Variants in FSCN3 observed in about 807,000 individuals in gnomAD.
FSCN3 encodes the protein fascin-3.
Under a neutral mutation model 53.5 loss-of-function variants are expected in FSCN3, and 43 were observed. The ratio of observed to expected loss-of-function variants is 0.80; its 90% CI spans 0.63 to 1.04. The LOEUF is 1.04. Ranked by LOEUF, FSCN3 falls within the 50% of genes least tolerant of loss-of-function variation. FSCN3 has a pLI of 0.00. For synonymous variants in FSCN3, 235 were observed against 246.6 expected (o/e 0.95, Z 0.44); for missense variants, 594 against 646.5 (o/e 0.92, Z 0.88).
chr7:127,595,914 T>C lies in FSCN3; in HGVS notation c.752T>C (p.Met251Thr), dbSNP rs1471858865. 4 of 1,611,492 alleles carry C rather than the reference T, an allele frequency of 2.5e-6. No individual in the cohort carries two copies. The highest frequency in any genetic ancestry group is 3.4e-6 in the Non-Finnish European group (4 of 1,178,554). The stretch of plus-strand genomic sequence containing the variant: ...CTCTTGGGCATGGGCTGCAACCCCA[T>C]GAGGGGTGAGGAGTGGTTCATCCTA... ...HLLLGMGCNP[M>T]RGEEWFILQH... Residue 251 changes from methionine to threonine, a missense_variant, in exon 2 of 7, where the codon ATG becomes ACG. Coordinates refer to ENST00000265825, the MANE Select transcript of FSCN3 (RefSeq NM_020369.3).
chr7:127,600,113 C>G, intron 5 of FSCN3, 81 bp from the exon 6 acceptor site: 1 of 787,484 alleles, frequency 1.3e-6, no homozygotes, highest in Non-Finnish European at 2.3e-6. Context: ...GGTGGCATGC[C>G]TCCACAGAGT....
rs554337100 is a variant in FSCN3, at chr7:127,594,059, T to C, written c.144+62T>C. The C allele has an allele frequency of 4.3e-4, 642 of 1,491,658 alleles. 2 individuals carry two copies. Among genetic ancestry groups the C allele is most frequent in the South Asian group, 1.1e-3 (92 of 83,010 alleles). 92.4% of individuals were successfully genotyped at this position (1,491,658 alleles called of 1,614,324 possible). ...AGTGGCCAAGCTGTGTGTGTGTGTG[T>C]GCGCGCGCGCGTGTGTGTGCGTGAG... On this transcript the variant is annotated intron_variant, in intron 1 of 6. Transcript: ENST00000265825.
At position 127,598,482 on chromosome 7, in the gene FSCN3, C is replaced by T. The variant is rs758813608; in HGVS notation, c.1008C>T (p.Asp336=). The T allele has an allele frequency of 5.0e-6, 8 of 1,613,910 alleles. No homozygotes were observed. In the African/African-American group the frequency reaches 9.3e-5, roughly 19 times the overall value. ...VMADGHPLES[D]TFFRMHWNCG... is the part of the protein sequence containing the mutation. ...CTGATGGGCACCCCCTGGAGTCTGA[C>T]ACGTTCTTCCGAATGCACTGGAACT... is the stretch of plus-strand genomic sequence containing the variant. Residue 336 remains aspartate (D), a synonymous_variant, in exon 4 of 7, where the codon GAC becomes GAT. Transcript: ENST00000265825.
chr7:127,597,379 T>C (rs560796592), intron 3 of FSCN3, among the ~76,000 whole-genome samples: 1 of 152,354 alleles, frequency 6.6e-6, no homozygotes, highest in East Asian at 1.9e-4. Context: ...TCACCAATAG[T>C]AAAGCTGGCT....
rs1317828442 is a variant in FSCN3, at chr7:127,601,773, A to G, written c.*151A>G. 1.3e-5 allele frequency: 2 copies of G among 152,232 alleles called. No homozygotes were observed. The highest frequency in any genetic ancestry group is 2.9e-5 in the Non-Finnish European group (2 of 68,044). 9.4% of individuals were successfully genotyped at this position (152,232 alleles called of 1,614,324 possible). ...AGCAAAACACCTGTTTTATGCAACA[A>G]TACATCACAACAGGCCACCCCCAAG... is the stretch of plus-strand genomic sequence containing the variant. On this transcript the variant is annotated 3_prime_UTR_variant, in exon 7 of 7. Coordinates refer to ENST00000265825, the MANE Select transcript of FSCN3 (RefSeq NM_020369.3).
At position 127,596,394 on chromosome 7, in the gene FSCN3, G is replaced by T; in HGVS notation, c.908G>T (p.Ser303Ile). The T allele has an allele frequency of 6.2e-7, 1 of 1,612,136 alleles. No individual in the cohort carries two copies. The highest frequency in any genetic ancestry group is 1.1e-5 in the South Asian group (1 of 91,054). The change falls in exon 3 of 7, where the codon AGT (serine) becomes ATT (isoleucine). Residue 303 changes from serine to isoleucine, a missense_variant. Ser to Ile is a moderately radical substitution (Grantham distance 142, BLOSUM62 -2). Coordinates refer to ENST00000265825, the MANE Select transcript of FSCN3 (RefSeq NM_020369.3). ...TCCTTGTTCCAGTTTGAATGTGACA[G>T]TGAGAGCCCCACTGTGCAGCTTCGT... is the stretch of plus-strand genomic sequence containing the variant. ...RMSLFQFECD[S>I]ESPTVQLRSA...
rs553608103 is a variant in FSCN3 at position 127,600,068 on chromosome 7, C to A, written c.1292-126C>A. ...CGCTCCTGCATTTCCATAGAAGGAC[C>A]CGCCAATGCAGGCAGGATGGGGCAG... is the stretch of plus-strand genomic sequence containing the variant. On this transcript the variant is annotated intron_variant, in intron 5 of 6. Coordinates refer to ENST00000265825, the MANE Select transcript of FSCN3 (RefSeq NM_020369.3). 1.6e-4 allele frequency: 103 copies of A among 632,476 alleles called. 1 individual carries two copies. Among genetic ancestry groups the A allele is most frequent in the Non-Finnish European group, 2.2e-4 (76 of 350,654 alleles). 39.2% of individuals were successfully genotyped at this position (632,476 alleles called of 1,614,324 possible).
At chr7:127,600,448 C>A in intron 6 of FSCN3, 49 bp downstream of exon 6, 1 of 1,161,686 alleles carries the variant, frequency 8.6e-7, no homozygotes, top group Non-Finnish European at 1.3e-6. Flanking sequence ...AGCCATGGGG[C>A]AAGAGGAGAA....
intron 3 of FSCN3, 103 bp from the exon 4 acceptor site, chr7:127,598,332 G>A (rs1794421229): frequency 4.6e-6 from 5 of 1,091,588 alleles, no homozygotes; most frequent in Non-Finnish European, 6.9e-6. Flanking sequence ...GAAAAAGGCT[G>A]ATGAGTGGGA....
rs1487977337 is a variant in FSCN3 at position 127,595,930 on chromosome 7, G to A, written c.768G>A (p.Trp256Ter). The change falls in exon 2 of 7, where the codon TGG becomes TGA. Residue 256 changes from tryptophan to a stop codon, truncating the protein, a stop_gained. Coordinates refer to ENST00000265825, the MANE Select transcript of FSCN3 (RefSeq NM_020369.3). LOFTEE classifies it high-confidence loss of function. ...MGCNPMRGEE[W>*]FILQHCPTWV... is the part of the protein sequence containing the mutation. The stretch of plus-strand genomic sequence containing the variant: ...GCAACCCCATGAGGGGTGAGGAGTG[G>A]TTCATCCTACAGCACTGCCCAACCT... 1.9e-6 allele frequency: 3 copies of A among 1,607,258 alleles called. No homozygotes were observed. The highest frequency in any genetic ancestry group is 2.6e-6 in the Non-Finnish European group (3 of 1,176,378).
At position 127,600,379 on chromosome 7, in the gene FSCN3, G is replaced by A; in HGVS notation, c.1477G>A (p.Glu493Lys). 1.9e-6 allele frequency: 3 copies of A among 1,606,910 alleles called. No homozygotes were observed. The highest frequency in any genetic ancestry group is 2.7e-5 in the African/African-American group (2 of 74,916). ...GGCAGACAGTGAAGACATTACCAGAGAGTGTATCTGGGAATTTTAGGTAAG... is the reference window on the plus strand; with the variant it reads ...GGCAGACAGTGAAGACATTACCAGAAAGTGTATCTGGGAATTTTAGGTAAG... ...LLADSEDITR[E>K]CIWEF Residue 493 changes from glutamate to lysine, a missense_variant, in exon 6 of 7, where the codon GAG becomes AAG. Transcript: ENST00000265825.
chr7:127,599,484 G>A lies in FSCN3; in HGVS notation c.1224G>A (p.Gln408=), dbSNP rs1283296371. 1 of 1,614,154 alleles carries A rather than the reference G, an allele frequency of 6.2e-7. No homozygotes were observed. Among genetic ancestry groups the A allele is most frequent in the Non-Finnish European group, 8.5e-7 (1 of 1,180,014 alleles). The part of the protein sequence containing the change: ...VGSSSGHDLI[Q]CNQDQPDRIH... ...CCTCATCGGGCCATGACCTCATACA[G>A]TGCAACCAGGATCAGCCCGACCGCA... The change falls in exon 5 of 7, where the codon CAG becomes CAA. Residue 408 remains glutamine, a synonymous_variant. Transcript: ENST00000265825.
intron 6 of FSCN3, 44 bp downstream of exon 6, chr7:127,600,443 T>C (rs1212004607): frequency 8.2e-7 from 1 of 1,223,086 alleles, no homozygotes; most frequent in Non-Finnish European, 1.2e-6. Context: ...GCAGAAGCCA[T>C]GGGGCAAGAG....
intron 1 of FSCN3, chr7:127,594,852 C>T (rs938920378): frequency 4.2e-6 from 2 of 472,632 alleles, no homozygotes; most frequent in African/African-American, 4.0e-5. Flanking sequence ...GAGCCAGGGC[C>T]TGCCTATAAG....
chr7:127,594,457 C>T (rs1019381463), intron 1 of FSCN3: 12 of 470,466 alleles, frequency 2.6e-5, no homozygotes, highest in Non-Finnish European at 4.8e-5. Flanking sequence ...CCCTTGCTGC[C>T]TTGTCCTGCT....
rs768231425 is a variant in FSCN3, at chr7:127,595,443, G to A, written c.281G>A (p.Cys94Tyr). The change falls in exon 2 of 7, where the codon TGC (cysteine) becomes TAC (tyrosine). Residue 94 changes from cysteine to tyrosine, a missense_variant. Physicochemically the swap from Cys to Tyr is radical, Grantham distance 194. Coordinates refer to ENST00000265825, the MANE Select transcript of FSCN3 (RefSeq NM_020369.3). Reference sequence around the variant, plus strand: ...CGCCCAAGGACCAGCCACCATGGGTGCTTTCTACTGCGTTTCCACCGGAAC... The same window carrying A: ...CGCCCAAGGACCAGCCACCATGGGTACTTTCTACTGCGTTTCCACCGGAAC... The part of the protein sequence containing the change: ...YGRPRTSHHG[C>Y]FLLRFHRNSK... The A allele has an allele frequency of 7.4e-6, 12 of 1,614,032 alleles. No homozygotes were observed. The highest frequency in any genetic ancestry group is 9.3e-6 in the Non-Finnish European group (11 of 1,180,030).
At chr7:127,600,103 G>A in intron 5 of FSCN3, 91 bp from the exon 6 acceptor site, 1 of 733,874 alleles carries the variant, frequency 1.4e-6, no homozygotes, top group Non-Finnish European at 2.5e-6. Flanking sequence ...GCTAGGGGAG[G>A]GTGGCATGCC....
chr7:127,595,749 AC>A lies in FSCN3; in HGVS notation c.589del (p.His197ThrfsTer6). On this transcript the variant is annotated frameshift_variant, in exon 2 of 7. Coordinates refer to ENST00000265825, the MANE Select transcript of FSCN3 (RefSeq NM_020369.3). LOFTEE classifies it high-confidence loss of function. ...TGCTACCACCTGGAGACCTCTACAC[AC>A]CACTTCTTGTCCCATGTAGACCGGC... is the stretch of plus-strand genomic sequence containing the variant. ...DGCYHLETST[H>X]HFLSHVDRLF... The A allele has an allele frequency of 1.2e-6, 2 of 1,613,674 alleles. No homozygotes were observed. The highest frequency in any genetic ancestry group is 1.7e-6 in the Non-Finnish European group (2 of 1,179,604).
intron 1 of FSCN3, chr7:127,594,515 A>G: frequency 2.1e-6 from 1 of 470,874 alleles, no homozygotes; most frequent in Non-Finnish European, 4.4e-6. Flanking sequence ...TGTGTCAGAA[A>G]GAAGAGAAGT....
Sources: allele counts gnomAD v4.1 joint callset (sites outside exome capture counted in the v4.1 genomes callset), GRCh38; gene constraint gnomAD v4.1.1; transcripts MANE v1.5; gene names NCBI Gene and HGNC (gene_info 2026-07-23, HGNC 2026-07-21).